The following PHF20 variants were observed in gnomAD, a reference collection of about 807,000 sequenced individuals.
PHF20 encodes glioma-expressed antigen 2.
A neutral mutation model predicts 113.5 loss-of-function variants in PHF20; 23 were observed. That is an observed-to-expected ratio of 0.20 (90% CI 0.15 to 0.29). The LOEUF (loss-of-function observed/expected upper bound fraction) is 0.29, where lower values mean the gene tolerates loss of function less well. Ranked by LOEUF, PHF20 falls within the 10% of genes least tolerant of loss-of-function variation. The pLI, the probability that PHF20 is intolerant of heterozygous loss-of-function variation, is 1.00. For synonymous variants in PHF20, 434 were observed against 457.3 expected, an observed-to-expected ratio of 0.95 and a Z score of 0.65; for missense variants, 943 against 1,219.6, an observed-to-expected ratio of 0.77 and a Z score of 3.38.
chr20:35,903,163 A>T (rs1316049097), intron 10 of PHF20, among the ~76,000 whole-genome samples: 4 of 94,088 alleles, frequency 4.3e-5, no homozygotes, highest in South Asian at 3.2e-4. Flanking sequence ...CTGGGATTTT[A>T]TTCTCTCTGT....
chr20:35,877,859 T>C (rs2054560000), intron 9 of PHF20, among the ~76,000 whole-genome samples: 1 of 152,222 alleles, frequency 6.6e-6, no homozygotes, highest in African/African-American at 2.4e-5. Context: ...AGATCAGTGA[T>C]TCTAACCCAT....
At position 35,914,014 on chromosome 20, in the gene PHF20, C is replaced by T. The variant is rs560820417; in HGVS notation, c.1661-19C>T. 6.2e-7 allele frequency: 1 copy of T among 1,613,338 alleles called. No homozygotes were observed. The highest frequency in any genetic ancestry group is 2.2e-5 in the East Asian group (1 of 44,860). The stretch of plus-strand genomic sequence containing the variant: ...TGTTAACTAGGGTTATTCATTCCTT[C>T]CTGATCCTGTTCTTCCAGAATGCCC... On this transcript the variant is annotated intron_variant, in intron 11 of 17. Coordinates refer to ENST00000374012, the MANE Select transcript of PHF20 (RefSeq NM_016436.5).
Position 35,835,950 on chromosome 20 carries a change from A to T in PHF20, c.84-6623A>T, listed in dbSNP as rs116442122. Among the ~76,000 whole-genome samples the T allele has an allele frequency of 4.5e-3, 686 of 152,292 alleles. 1 individual carries two copies. Among genetic ancestry groups the T allele is most frequent in the African/African-American group, 0.016 (647 of 41,546 alleles). On this transcript the variant is annotated intron_variant, in intron 2 of 17. Transcript: ENST00000374012. ...ATCTCAAAAAAACAAATAAAATAAG[A>T]TAAAATAAAAGAGAAAACTTTTATA... is the stretch of plus-strand genomic sequence containing the variant.
intron 1 of PHF20, among the ~76,000 whole-genome samples, chr20:35,776,573 G>A (rs190519987): frequency 4.6e-5 from 7 of 152,134 alleles, no homozygotes; most frequent in Non-Finnish European, 1.0e-4. Context: ...TCCTTTCTAA[G>A]TGTGTTGGAT....
chr20:35,793,258 T>C (rs543578311), intron 1 of PHF20, among the ~76,000 whole-genome samples: 10 of 152,156 alleles, frequency 6.6e-5, no homozygotes, highest in African/African-American at 2.4e-4. Context: ...TGTCACCTAG[T>C]TCTCTGCTTA....
intron 1 of PHF20, among the ~76,000 whole-genome samples, chr20:35,787,470 C>T (rs1173693463): frequency 6.6e-6 from 1 of 151,626 alleles, no homozygotes; most frequent in Non-Finnish European, 1.5e-5. Flanking sequence ...TGAGCCACCG[C>T]GCCCAGCCTA....
chr20:35,776,351 C>T (rs1049480255), intron 1 of PHF20, among the ~76,000 whole-genome samples: 4 of 152,024 alleles, frequency 2.6e-5, no homozygotes, highest in African/African-American at 7.2e-5. Context: ...CTATGTTCCC[C>T]GACCTCGAAT....
intron 2 of PHF20, among the ~76,000 whole-genome samples, chr20:35,831,027 T>C (rs940110905): frequency 6.6e-6 from 1 of 152,142 alleles, no homozygotes; most frequent in Non-Finnish European, 1.5e-5. Context: ...AAGTGCCAAA[T>C]CTGCAGACAT....
chr20:35,794,080 C>T (rs1447031893), intron 1 of PHF20, among the ~76,000 whole-genome samples: 4 of 149,068 alleles, frequency 2.7e-5, no homozygotes, highest in Admixed American at 6.8e-5. Context: ...GTGGGTGGAT[C>T]GCCTGAGGTC....
At chr20:35,849,392 A>G (rs1161819834) in intron 4 of PHF20, 2 of 469,240 alleles carry the variant, frequency 4.3e-6, no homozygotes, top group African/African-American at 2.0e-5. Flanking sequence ...ATGAAGTAAA[A>G]CAAAAGAAGA....
At chr20:35,813,007 C>T (rs1386401262) in intron 2 of PHF20, among the ~76,000 whole-genome samples, 3 of 152,308 alleles carry the variant, frequency 2.0e-5, no homozygotes, top group East Asian at 1.9e-4. Context: ...CTCCCTCTGT[C>T]GCCCAGGCTG....
At chr20:35,848,855 T>C (rs544781093) in intron 4 of PHF20, among the ~76,000 whole-genome samples, 79 of 138,096 alleles carry the variant, frequency 5.7e-4, no homozygotes, top group African/African-American at 2.1e-3. Flanking sequence ...AGACTCTGTC[T>C]CTTAAAAAAA....
Position 35,846,046 on chromosome 20 carries a change from C to G in PHF20, c.256-1304C>G, listed in dbSNP as rs915653042. Among the ~76,000 whole-genome samples, 31 of 151,604 alleles carry G rather than the reference C, an allele frequency of 2.0e-4. No individual in the cohort carries two copies. The South Asian group carries it at 5.8e-3, about 29-fold the overall frequency. Reference sequence around the variant, plus strand: ...TCCCAAAGTGCTGGGATTACAGGCACGAGCCACTGTGTCCGGCTTATTTTC... The same window carrying G: ...TCCCAAAGTGCTGGGATTACAGGCAGGAGCCACTGTGTCCGGCTTATTTTC... On this transcript the variant is annotated intron_variant, in intron 3 of 17. Coordinates refer to ENST00000374012, the MANE Select transcript of PHF20 (RefSeq NM_016436.5).
intron 1 of PHF20, among the ~76,000 whole-genome samples, chr20:35,775,499 G>A (rs972192102): frequency 2.6e-5 from 4 of 152,078 alleles, no homozygotes. Context: ...GCTCATGCTT[G>A]TAATCCCAGC....
intron 7 of PHF20, among the ~76,000 whole-genome samples, chr20:35,870,160 C>T (rs1169510294): frequency 2.0e-5 from 3 of 151,862 alleles, no homozygotes; most frequent in Admixed American, 6.6e-5. Context: ...AAAAATTAGC[C>T]GGGTGTTGTG....
At chr20:35,887,420 A>C (rs1194053525) in intron 9 of PHF20, among the ~76,000 whole-genome samples, 1 of 152,172 alleles carries the variant, frequency 6.6e-6, no homozygotes, top group African/African-American at 2.4e-5. Context: ...GGAGGGTTTC[A>C]GGCTTACCTG....
chr20:35,822,985 C>G (rs941422322), intron 2 of PHF20, among the ~76,000 whole-genome samples: 7 of 151,742 alleles, frequency 4.6e-5, no homozygotes, highest in Non-Finnish European at 5.9e-5. Context: ...ATTGACACCT[C>G]AGTACCACCC....
intron 2 of PHF20, among the ~76,000 whole-genome samples, chr20:35,805,511 T>C (rs2041865365): frequency 6.6e-6 from 1 of 151,762 alleles, no homozygotes; most frequent in East Asian, 1.9e-4. Context: ...GCTTCCCGGC[T>C]AATTTTTTGT....
chr20:35,947,356 TGGAGG>T, intron 17 of PHF20, 124 bp from the exon 18 acceptor site: 3 of 859,180 alleles, frequency 3.5e-6, no homozygotes, highest in South Asian at 2.1e-5. Context: ...CCTTGCCCCA[TGGAGG>T]CTGAAATGGC....
Sources: gnomAD v4.1 joint callset for allele counts (sites outside exome capture counted in the v4.1 genomes callset) on GRCh38, gnomAD v4.1.1 for gene constraint, MANE v1.5 for transcripts, NCBI Gene and HGNC (gene_info 2026-07-23, HGNC 2026-07-21) for gene names.